Variants in FOXP2 observed in about 807,000 individuals in gnomAD.
The protein encoded by FOXP2 is forkhead box protein P2.
A neutral mutation model predicts 115.8 loss-of-function variants in FOXP2; 12 were observed. The ratio of observed to expected loss-of-function variants is 0.10; its 90% CI spans 0.07 to 0.17. The LOEUF is 0.17. Ranked by LOEUF, FOXP2 falls within the 10% of genes least tolerant of loss-of-function variation. FOXP2 has a pLI of 1.00. For synonymous variants in FOXP2, 328 were observed against 297.7 expected, an observed-to-expected ratio of 1.10 and a Z score of -1.05; for missense variants, 629 against 843.5, an observed-to-expected ratio of 0.75 and a Z score of 3.15.
intron 3 of FOXP2, among the ~76,000 whole-genome samples, chr7:114,564,279 C>A (rs1800894761): frequency 6.6e-6 from 1 of 151,884 alleles, no homozygotes; most frequent in Non-Finnish European, 1.5e-5. Context: ...CAATGAATTC[C>A]TACTCATTTC....
chr7:114,314,254 GTTATGT>G (rs1797219541), intron 2 of FOXP2, among the ~76,000 whole-genome samples: 2 of 147,902 alleles, frequency 1.4e-5, no homozygotes, highest in Admixed American at 1.3e-4. Flanking sequence ...TTATTTTATT[GTTATGT>G]TTTATATATA....
At chr7:114,440,526 A>T (rs1001952860) in intron 2 of FOXP2, among the ~76,000 whole-genome samples, 2 of 152,182 alleles carry the variant, frequency 1.3e-5, no homozygotes, top group Non-Finnish European at 2.9e-5. Flanking sequence ...AGTTATTGGC[A>T]TATAGTGTTA....
At chr7:114,147,205 G>C (rs1284678686) in intron 1 of FOXP2, among the ~76,000 whole-genome samples, 1 of 152,064 alleles carries the variant, frequency 6.6e-6, no homozygotes, top group Non-Finnish European at 1.5e-5. Flanking sequence ...TTGTTATAGG[G>C]ATCAAATAGA....
At chr7:114,673,218 A>G (rs568046521) in intron 16 of FOXP2, among the ~76,000 whole-genome samples, 1 of 152,330 alleles carries the variant, frequency 6.6e-6, no homozygotes. Flanking sequence ...TTAGAACTAT[A>G]AGGGTCCTTA....
intron 1 of FOXP2, among the ~76,000 whole-genome samples, chr7:114,102,837 A>C (rs917581479): frequency 4.6e-5 from 7 of 152,080 alleles, no homozygotes; most frequent in African/African-American, 1.7e-4. Flanking sequence ...CTTAACATTA[A>C]CATGGACTTC....
At chr7:114,190,270 T>G (rs1425068082) in intron 1 of FOXP2, among the ~76,000 whole-genome samples, 1 of 152,166 alleles carries the variant, frequency 6.6e-6, no homozygotes, top group African/African-American at 2.4e-5. Flanking sequence ...TTTTAATATG[T>G]AGAGGTAGTA....
chr7:114,653,943 A>G lies in FOXP2; in HGVS notation c.1200A>G (p.Glu400=), dbSNP rs1347605197. 1 of 1,613,140 alleles carries G rather than the reference A, an allele frequency of 6.2e-7. No individual in the cohort carries two copies. Among genetic ancestry groups the G allele is most frequent in the Admixed American group, 1.7e-5 (1 of 59,946 alleles). Residue 400 remains glutamate, a synonymous_variant, in exon 10 of 17, where the codon GAA becomes GAG. Coordinates refer to ENST00000350908, the MANE Select transcript of FOXP2 (RefSeq NM_014491.4). ...QLEIQLSKER[E]RLQAMMTHLH... is the part of the protein sequence containing the mutation. Reference sequence around the variant, plus strand: ...CTTAACAGCTTTCTAAAGAACGCGAACGTCTTCAAGCAATGATGACCCACT... The same window carrying G: ...CTTAACAGCTTTCTAAAGAACGCGAGCGTCTTCAAGCAATGATGACCCACT...
At chr7:114,339,568 T>G (rs1449048944) in intron 2 of FOXP2, among the ~76,000 whole-genome samples, 16 of 151,108 alleles carry the variant, frequency 1.1e-4, no homozygotes, top group Non-Finnish European at 1.5e-5. Flanking sequence ...AAGCTTTACT[T>G]TATTTCAGGA....
At chr7:114,388,770 CA>C (rs1163599380) in intron 2 of FOXP2, among the ~76,000 whole-genome samples, 7 of 151,308 alleles carry the variant, frequency 4.6e-5, no homozygotes, top group Non-Finnish European at 1.0e-4. Flanking sequence ...GACAACTTAA[CA>C]GCATAGAGGA....
chr7:114,459,664 G>A (rs180752260), intron 2 of FOXP2, among the ~76,000 whole-genome samples: 1 of 152,156 alleles, frequency 6.6e-6, no homozygotes, highest in Non-Finnish European at 1.5e-5. Context: ...CGCCCAGGCT[G>A]GAATGTAGTG....
chr7:114,606,413 G>C (rs552852535), intron 3 of FOXP2, among the ~76,000 whole-genome samples: 9 of 152,258 alleles, frequency 5.9e-5, no homozygotes, highest in Non-Finnish European at 1.3e-4. Flanking sequence ...AATTTGCACT[G>C]TCCTCAAAAC....
chr7:114,376,155 C>A (rs555493802), intron 2 of FOXP2, among the ~76,000 whole-genome samples: 1 of 152,264 alleles, frequency 6.6e-6, no homozygotes, highest in East Asian at 1.9e-4. Flanking sequence ...TAGGTACTTT[C>A]TTTTAATAGC....
chr7:114,113,186 A>T (rs1460524186), intron 1 of FOXP2, among the ~76,000 whole-genome samples: 1 of 152,182 alleles, frequency 6.6e-6, no homozygotes, highest in Non-Finnish European at 1.5e-5. Flanking sequence ...CACGAACATG[A>T]TCAAATTGGT....
At chr7:114,190,454 C>T (rs1211719475) in intron 1 of FOXP2, among the ~76,000 whole-genome samples, 2 of 152,190 alleles carry the variant, frequency 1.3e-5, no homozygotes, top group Non-Finnish European at 2.9e-5. Flanking sequence ...CCTTCAGACA[C>T]AGCCTGGGAC....
chr7:114,604,497 T>G (rs538269227), intron 3 of FOXP2, among the ~76,000 whole-genome samples: 1 of 152,326 alleles, frequency 6.6e-6, no homozygotes, highest in Admixed American at 6.5e-5. Context: ...AAAGCTTGCA[T>G]TCAAATATTT....
intron 3 of FOXP2, among the ~76,000 whole-genome samples, chr7:114,540,225 A>G (rs537435825): frequency 1.5e-4 from 23 of 152,024 alleles, no homozygotes; most frequent in African/African-American, 5.1e-4. Flanking sequence ...TTCCCCTGCT[A>G]TAGGCTCCCA....
rs1454282938 is a variant in FOXP2, at chr7:114,176,669, T to G, written c.-102+13581T>G. Among the ~76,000 whole-genome samples the G allele has an allele frequency of 3.8e-4, 3 of 7,984 alleles. No individual in the cohort carries two copies. The Admixed American group carries it at 5.8e-3, about 15-fold the overall frequency. The allele number at this position is 7,984 out of a possible 152,430, so 5.2% of individuals were successfully genotyped here. A position where few individuals can be genotyped will look rare whatever the true frequency, so the allele number is the denominator to read the frequency against. Reference sequence around the variant, plus strand: ...GCCCATGTCTGATTTCTTAGGTTGTTTTTTTTTTTTTTTTGTAAGCTTTTA... The same window carrying G: ...GCCCATGTCTGATTTCTTAGGTTGTGTTTTTTTTTTTTTTGTAAGCTTTTA... On this transcript the variant is annotated intron_variant, in intron 1 of 17. Transcript: ENST00000634411.
rs747746108 is a variant in FOXP2 at position 114,689,996 on chromosome 7, A to T, written c.*70A>T. 7.6e-6 allele frequency: 12 copies of T among 1,581,404 alleles called. No homozygotes were observed. The Admixed American group carries it at 1.8e-4, about 24-fold the overall frequency. Reference sequence around the variant, plus strand: ...CTTCATAACCACTCCACAACCATGAATATTTGACAAATTTTTACTGTGACT... The same window carrying T: ...CTTCATAACCACTCCACAACCATGATTATTTGACAAATTTTTACTGTGACT... On this transcript the variant is annotated 3_prime_UTR_variant, in exon 17 of 17. Coordinates refer to ENST00000350908, the MANE Select transcript of FOXP2 (RefSeq NM_014491.4).
upstream of FOXP2, among the ~76,000 whole-genome samples, chr7:114,162,367 G>A (rs1792863478): frequency 1.3e-5 from 2 of 151,888 alleles, no homozygotes; most frequent in South Asian, 2.1e-4. Context: ...CCTTGCTTCA[G>A]TAGCAGTTTC....
Sources: allele counts gnomAD v4.1 joint callset (sites outside exome capture counted in the v4.1 genomes callset), GRCh38; gene constraint gnomAD v4.1.1; transcripts MANE v1.5; gene names NCBI Gene and HGNC (gene_info 2026-07-23, HGNC 2026-07-21).